The following RNF175 variants were observed in gnomAD, a reference collection of about 807,000 sequenced individuals.
RNF175 encodes the protein ring finger protein 175.
RNF175 carries 38 observed loss-of-function variants against 50.0 expected under a neutral mutation model. That is an observed-to-expected ratio of 0.76 (90% confidence interval 0.59 to 1.00). The LOEUF is 1.00. Among genes scored for constraint, RNF175 ranks in the 50% least tolerant of loss-of-function variants. RNF175 has a pLI of 0.00. For missense variants in RNF175, 388 were observed against 409.6 expected, an observed-to-expected ratio of 0.95 and a Z score of 0.46; for synonymous variants, 155 against 146.1, an observed-to-expected ratio of 1.06 and a Z score of -0.44.
chr4:153,718,044 T>C (rs1738057125), intron 6 of RNF175, among the ~76,000 whole-genome samples: 1 of 152,054 alleles, frequency 6.6e-6, no homozygotes. Flanking sequence ...TTGGCAACCA[T>C]GGATCTGTTT....
At chr4:153,717,705 GAC>G (rs1259210629) in intron 6 of RNF175, among the ~76,000 whole-genome samples, 3 of 152,106 alleles carry the variant, frequency 2.0e-5, no homozygotes, top group Admixed American at 6.5e-5. Context: ...CAGTGCTTAT[GAC>G]ACAGTTTCTT....
At chr4:153,727,990 T>C (rs750842525) in intron 4 of RNF175, among the ~76,000 whole-genome samples, 1 of 152,222 alleles carries the variant, frequency 6.6e-6, no homozygotes, top group Non-Finnish European at 1.5e-5. Context: ...ATATTTGAAG[T>C]AATAAATTTT....
At chr4:153,723,273 TG>T in intron 5 of RNF175, 77 bp downstream of exon 5, 1 of 722,940 alleles carries the variant, frequency 1.4e-6, no homozygotes, top group Non-Finnish European at 2.5e-6. Flanking sequence ...CAGATGCTTC[TG>T]GATTAAGAGA....
At chr4:153,759,620 C>A (rs533710964) in intron 1 of RNF175, among the ~76,000 whole-genome samples, 177 bp downstream of exon 1, 1 of 152,116 alleles carries the variant, frequency 6.6e-6, no homozygotes, top group South Asian at 2.1e-4. Context: ...GGGACTGGCA[C>A]CCCGCACGGT....
intron 2 of RNF175, among the ~76,000 whole-genome samples, chr4:153,749,875 A>T (rs887809085): frequency 1.3e-5 from 2 of 152,194 alleles, no homozygotes; most frequent in African/African-American, 4.8e-5. Context: ...TTAATCTTGG[A>T]CTTTCAGCCT....
chr4:153,755,670 A>AC (rs1740528937), intron 1 of RNF175, among the ~76,000 whole-genome samples: 1 of 126,388 alleles, frequency 7.9e-6, no homozygotes, highest in South Asian at 2.4e-4. Flanking sequence ...CCACCCCCGC[A>AC]AAAAAAATGA....
chr4:153,757,880 A>G (rs1740637913), intron 1 of RNF175, among the ~76,000 whole-genome samples: 2 of 152,068 alleles, frequency 1.3e-5, no homozygotes, highest in African/African-American at 4.8e-5. Flanking sequence ...TTGTCCAGTA[A>G]GGTATGCTGG....
chr4:153,744,584 T>C (rs1028087182), intron 3 of RNF175, among the ~76,000 whole-genome samples: 5 of 152,154 alleles, frequency 3.3e-5, no homozygotes, highest in African/African-American at 1.2e-4. Context: ...TCTACATCAA[T>C]TTAGAGATAA....
chr4:153,731,988 T>C (rs1031866974), intron 3 of RNF175, among the ~76,000 whole-genome samples: 3 of 152,048 alleles, frequency 2.0e-5, no homozygotes, highest in Admixed American at 6.6e-5. Flanking sequence ...TCTGAGGACT[T>C]TGGGAGGCCG....
rs1193869086 is a variant in RNF175, at chr4:153,734,225, A to G, written c.247-5864T>C. ...ATTTAACTGGGTAAATACCCGGTAG[A>G]GTGATTATATAGTAAGCCTATGTTT... On this transcript the variant is annotated intron_variant, in intron 3 of 8. Coordinates refer to ENST00000347063, the MANE Select transcript of RNF175 (RefSeq NM_173662.4). 2.0e-5 allele frequency among the ~76,000 whole-genome samples: 3 copies of G among 152,178 alleles called. No homozygotes were observed. The East Asian group carries it at 5.8e-4, about 29-fold the overall frequency.
intron 8 of RNF175, 94 bp downstream of exon 8, chr4:153,712,381 G>GA: frequency 1.2e-6 from 1 of 837,902 alleles, no homozygotes; most frequent in Non-Finnish European, 1.9e-6. Flanking sequence ...TTTTCTGCTG[G>GA]AACTATACAA....
At chr4:153,735,602 A>C (rs1739313841) in intron 3 of RNF175, among the ~76,000 whole-genome samples, 1 of 152,178 alleles carries the variant, frequency 6.6e-6, no homozygotes, top group Admixed American at 6.5e-5. Flanking sequence ...TAATCTATAG[A>C]TCTATAGATC....
intron 4 of RNF175, among the ~76,000 whole-genome samples, chr4:153,724,774 T>A (rs28640133): frequency 0.2 from 29,868 of 151,888 alleles, 3,113 homozygotes; most frequent in East Asian, 0.3. Flanking sequence ...TCCTGAAATG[T>A]GTTGTCATTT....
At chr4:153,714,771 A>T (rs564829064) in intron 7 of RNF175, 2 of 152,610 alleles carry the variant, frequency 1.3e-5, no homozygotes, top group African/African-American at 4.8e-5. Flanking sequence ...CAGCACATTG[A>T]GGCTTTCCTT....
At position 153,759,850 on chromosome 4, in the gene RNF175, TC is replaced by T; in HGVS notation, c.12del (p.Thr5ArgfsTer51). 2 of 1,457,922 alleles carry T rather than the reference TC, an allele frequency of 1.4e-6. No homozygotes were observed. The highest frequency in any genetic ancestry group is 1.3e-5 in the South Asian group (1 of 74,098). The allele number at this position is 1,457,922 out of a possible 1,614,324, so 90.3% of individuals were successfully genotyped here. On this transcript the variant is annotated frameshift_variant, in exon 1 of 9. Coordinates refer to ENST00000347063, the MANE Select transcript of RNF175 (RefSeq NM_173662.4). LOFTEE classifies it high-confidence loss of function. MAA[G>X]TAARKAAPVL... is the part of the protein sequence containing the mutation. ...ACCGGCGCTGCCTTCCGCGCCGCCG[TC>T]CCCGCGGCCATGCCTGAGCCACTGT... is the stretch of plus-strand genomic sequence containing the variant.
At chr4:153,717,157 C>T (rs898588036) in intron 6 of RNF175, among the ~76,000 whole-genome samples, 12 of 152,074 alleles carry the variant, frequency 7.9e-5, no homozygotes, top group Admixed American at 2.0e-4. Flanking sequence ...TGGGTTATAA[C>T]CCAATACTAC....
intron 6 of RNF175, 62 bp downstream of exon 6, chr4:153,720,122 G>A (rs1738237380): frequency 6.4e-7 from 1 of 1,557,728 alleles, no homozygotes. Flanking sequence ...ATGCAGACAT[G>A]TAAGATGAGA....
chr4:153,757,020 C>T (rs997222243), intron 1 of RNF175, among the ~76,000 whole-genome samples: 3 of 152,116 alleles, frequency 2.0e-5, no homozygotes, highest in African/African-American at 7.2e-5. Context: ...CTCACAAGGC[C>T]TTGTATCCCA....
intron 6 of RNF175, among the ~76,000 whole-genome samples, chr4:153,717,381 A>C (rs1737999675): frequency 6.6e-6 from 1 of 152,166 alleles, no homozygotes; most frequent in Non-Finnish European, 1.5e-5. Context: ...AAGGAGTGCC[A>C]GTTCCTTTTA....
Sources: gnomAD v4.1 joint callset for allele counts (sites outside exome capture counted in the v4.1 genomes callset) on GRCh38, gnomAD v4.1.1 for gene constraint, MANE v1.5 for transcripts, NCBI Gene and HGNC (gene_info 2026-07-23, HGNC 2026-07-21) for gene names.